Variants in GK observed in about 807,000 individuals in gnomAD.
The protein encoded by GK is glycerol kinase, also known as ATP:glycerol 3-phosphotransferase.
Under a neutral mutation model 56.4 loss-of-function variants are expected in GK, and 9 were observed. The ratio of observed to expected loss-of-function variants is 0.16; its 90% CI spans 0.10 to 0.28. The LOEUF (loss-of-function observed/expected upper bound fraction) is 0.28, where lower values mean the gene tolerates loss of function less well. Ranked by LOEUF, GK falls within the 10% of genes least tolerant of loss-of-function variation. The pLI, the probability that GK is intolerant of heterozygous loss-of-function variation, is 1.00. For synonymous variants in GK, 104 were observed against 144.1 expected, an observed-to-expected ratio of 0.72 and a Z score of 1.99; for missense variants, 161 against 431.4, an observed-to-expected ratio of 0.37 and a Z score of 5.55.
At chrX:30,673,784 G>A (rs1933699601) in intron 3 of GK, among the ~76,000 whole-genome samples, 1 of 111,957 alleles carries the variant, frequency 8.9e-6, no homozygotes, top group African/African-American at 3.2e-5. Flanking sequence ...TAGGTAGCAT[G>A]AGAGGCATAG....
intron 1 of GK, among the ~76,000 whole-genome samples, chrX:30,654,765 T>A (rs1388843908): frequency 1.8e-5 from 2 of 111,637 alleles, no homozygotes; most frequent in Non-Finnish European, 1.9e-5. Flanking sequence ...AAAAAATAAA[T>A]AAAAGTAATT....
rs920119890 is a variant in GK, at chrX:30,719,583, T to C, written c.1151+68T>C. The C allele has an allele frequency of 6.7e-5, 40 of 594,253 alleles. No individual in the cohort carries two copies. The East Asian group carries it at 1.0e-3, about 15-fold the overall frequency. 49.0% of individuals were successfully genotyped at this position (594,253 alleles called of 1,213,427 possible). A position where few individuals can be genotyped will look rare whatever the true frequency, so the allele number is the denominator to read the frequency against. ...ATTTACCAAAGTCGTTAATAACTTATTAGTTTCTTATCTATTTTCAAATAA... is the reference window on the plus strand; with the variant it reads ...ATTTACCAAAGTCGTTAATAACTTACTAGTTTCTTATCTATTTTCAAATAA... On this transcript the variant is annotated intron_variant, in intron 15 of 20. Coordinates refer to ENST00000427190, the MANE Select transcript of GK (RefSeq NM_001205019.2).
intron 1 of GK, among the ~76,000 whole-genome samples, chrX:30,660,445 C>T (rs753172060): frequency 9.0e-6 from 1 of 110,612 alleles, no homozygotes; most frequent in Non-Finnish European, 1.9e-5. Context: ...GATTTCTAAT[C>T]CTTATTCTGT....
At chrX:30,720,320 G>A (rs1259306275) in intron 16 of GK, among the ~76,000 whole-genome samples, 1 of 111,666 alleles carries the variant, frequency 9.0e-6, no homozygotes, top group Non-Finnish European at 1.9e-5. Flanking sequence ...TGGTTGTGGG[G>A]AGGCTGAGTG....
At chrX:30,665,654 G>A in intron 2 of GK, 70 bp downstream of exon 2, 1 of 665,712 alleles carries the variant, frequency 1.5e-6, no homozygotes, top group South Asian at 2.3e-5. Context: ...CTTGCCCTGT[G>A]GATTTGTAAA....
intron 8 of GK, 68 bp downstream of exon 8, chrX:30,696,751 A>C: frequency 1.2e-6 from 1 of 832,962 alleles, no homozygotes; most frequent in South Asian, 2.2e-5. Context: ...AAAACCTAAT[A>C]ATTAAAGTTT....
chrX:30,658,426 C>T (rs1932466183), intron 1 of GK, among the ~76,000 whole-genome samples: 1 of 111,545 alleles, frequency 9.0e-6, no homozygotes, highest in South Asian at 3.7e-4. Flanking sequence ...AGCAATTCTC[C>T]TGCCTCAGCC....
rs73632544 is a variant in GK, at chrX:30,702,579, T to G, written c.851+1674T>G. On this transcript the variant is annotated intron_variant, in intron 11 of 20. Transcript: ENST00000427190. The stretch of plus-strand genomic sequence containing the variant: ...GAAACTGAGAATTAAAGAAAAAAAT[T>G]TATGCAACAGCACACAACTAGTAAG... 3.5e-3 allele frequency among the ~76,000 whole-genome samples: 391 copies of G among 111,928 alleles called. 1 individual carries two copies. The highest frequency in any genetic ancestry group is 0.012 in the African/African-American group (372 of 30,837).
At chrX:30,664,694 T>C (rs1932953323) in intron 1 of GK, among the ~76,000 whole-genome samples, 1 of 98,462 alleles carries the variant, frequency 1.0e-5, no homozygotes, top group African/African-American at 3.6e-5. Context: ...TAACAAGGAC[T>C]CTATTGCCTT....
chrX:30,667,521 A>G (rs1933167578), intron 2 of GK, among the ~76,000 whole-genome samples: 1 of 111,865 alleles, frequency 8.9e-6, no homozygotes, highest in Non-Finnish European at 1.9e-5. Context: ...TTCCAACAAA[A>G]CATTTTGGGA....
chrX:30,692,858 A>T (rs761159370), intron 5 of GK, among the ~76,000 whole-genome samples: 18 of 109,723 alleles, frequency 1.6e-4, no homozygotes, highest in African/African-American at 5.3e-4. Context: ...AAAGTATTAA[A>T]TCCTTTGGTT....
chrX:30,701,075 C>T (rs767473884), intron 11 of GK, among the ~76,000 whole-genome samples, 170 bp downstream of exon 11: 2 of 112,079 alleles, frequency 1.8e-5, no homozygotes, highest in African/African-American at 6.5e-5. Flanking sequence ...AAATAAAATA[C>T]AAAATGCCAT....
intron 13 of GK, 118 bp downstream of exon 13, chrX:30,708,252 T>A: frequency 4.4e-6 from 2 of 458,754 alleles, no homozygotes; most frequent in Non-Finnish European, 7.6e-6. Flanking sequence ...AAAGTTCTGC[T>A]TTCTTGGCAT....
chrX:30,707,995 G>T (rs1259429416), intron 12 of GK, 59 bp from the exon 13 acceptor site: 9 of 699,684 alleles, frequency 1.3e-5, no homozygotes, highest in Non-Finnish European at 2.0e-5. Context: ...TTAAAAAAAA[G>T]TTCTCATGTT....
chrX:30,693,011 C>CTTTTTTTTTTTTTTTTTTTTTTTT (rs1184645786), intron 5 of GK, among the ~76,000 whole-genome samples: 1 of 56,619 alleles, frequency 1.8e-5, no homozygotes, highest in Non-Finnish European at 3.2e-5. Flanking sequence ...TTTTTCTTTT[C>CTTTTTTTTTTTTTTTTTTTTTTTT]TTTTTTTTTT....
intron 3 of GK, among the ~76,000 whole-genome samples, chrX:30,670,018 C>T (rs1387501371): frequency 8.9e-6 from 1 of 112,258 alleles, no homozygotes; most frequent in East Asian, 2.8e-4. Context: ...ATCCTATCCT[C>T]CCTTTATCCC....
At position 30,695,317 on chromosome X, in the gene GK, C is replaced by T. The variant is rs541621236; in HGVS notation, c.553-725C>T. Among the ~76,000 whole-genome samples, 28 of 112,273 alleles carry T rather than the reference C, an allele frequency of 2.5e-4. No homozygotes were observed. In the South Asian group the frequency reaches 0.01, roughly 40 times the overall value. On this transcript the variant is annotated intron_variant, in intron 6 of 20. Transcript: ENST00000427190. Reference sequence around the variant, plus strand: ...TTGTGTTCATGGCCAGCCATTTTCACGTGTGTCAGTCACAGTTGAATGAGT... The same window carrying T: ...TTGTGTTCATGGCCAGCCATTTTCATGTGTGTCAGTCACAGTTGAATGAGT...
intron 1 of GK, among the ~76,000 whole-genome samples, chrX:30,659,177 A>C (rs1176862612): frequency 9.0e-6 from 1 of 110,903 alleles, no homozygotes; most frequent in African/African-American, 3.3e-5. Context: ...GATTACAGGA[A>C]TGTGCCACCA....
intron 13 of GK, among the ~76,000 whole-genome samples, chrX:30,714,021 G>C (rs1179739300): frequency 3.6e-5 from 4 of 111,636 alleles, no homozygotes; most frequent in Non-Finnish European, 7.5e-5. Flanking sequence ...CGAATCCTAT[G>C]TTAGGCCATT....
Sources: gnomAD v4.1 joint callset for allele counts (sites outside exome capture counted in the v4.1 genomes callset) on GRCh38, gnomAD v4.1.1 for gene constraint, MANE v1.5 for transcripts, NCBI Gene and HGNC (gene_info 2026-07-23, HGNC 2026-07-21) for gene names.